Variants in DNM3 observed in about 807,000 individuals in gnomAD.
The protein encoded by DNM3 is dynamin-3.
Under a neutral mutation model 101.6 loss-of-function variants are expected in DNM3, and 47 were observed. The ratio of observed to expected loss-of-function variants is 0.46; its 90% CI spans 0.37 to 0.59. The LOEUF (loss-of-function observed/expected upper bound fraction) is 0.59, where lower values mean the gene tolerates loss of function less well. Ranked by LOEUF, DNM3 falls within the 20% of genes least tolerant of loss-of-function variation. The probability of loss-of-function intolerance (pLI) is 0.00; values close to 1 mark genes in which losing one functional copy is unlikely to be tolerated. For synonymous variants in DNM3, 385 were observed against 387.9 expected (o/e 0.99, Z 0.09); for missense variants, 849 against 1,085.7 (o/e 0.78, Z 3.06).
Position 172,033,095 on chromosome 1 carries a change from T to C in DNM3, c.689-10T>C. ...TGTCCCCAACTCCATAGATTTGTGT[T>C]TTGTTTCAGGTTACGTGGGGGTGGT... On this transcript the variant is annotated splice_polypyrimidine_tract_variant and intron_variant, in intron 5 of 20. Transcript: ENST00000627582. 6.2e-7 allele frequency: 1 copy of C among 1,610,102 alleles called. No homozygotes were observed. Among genetic ancestry groups the C allele is most frequent in the Non-Finnish European group, 8.5e-7 (1 of 1,178,112 alleles).
chr1:172,035,159 G>T (rs1468997670), intron 6 of DNM3, among the ~76,000 whole-genome samples: 8 of 152,080 alleles, frequency 5.3e-5, no homozygotes, highest in Admixed American at 2.6e-4. Context: ...AATGGGAGAG[G>T]TAGAGTCAAG....
At chr1:171,853,436 G>A (rs1259768139) in intron 1 of DNM3, among the ~76,000 whole-genome samples, 1 of 152,112 alleles carries the variant, frequency 6.6e-6, no homozygotes, top group African/African-American at 2.4e-5. Context: ...CAAAGTGGTG[G>A]CATTACAGGC....
intron 15 of DNM3, among the ~76,000 whole-genome samples, chr1:172,277,383 G>GA (rs1374170049): frequency 6.6e-6 from 1 of 152,046 alleles, no homozygotes; most frequent in Non-Finnish European, 1.5e-5. Flanking sequence ...CAGACTAATT[G>GA]AAATGTGGAA....
intron 17 of DNM3, among the ~76,000 whole-genome samples, chr1:172,344,068 A>G (rs2066817983): frequency 6.6e-6 from 1 of 152,216 alleles, no homozygotes; most frequent in Non-Finnish European, 1.5e-5. Context: ...TCACGTCTAC[A>G]GCCAAATTGA....
chr1:172,272,140 C>G (rs577227168), intron 15 of DNM3, among the ~76,000 whole-genome samples: 6 of 152,068 alleles, frequency 3.9e-5, no homozygotes, highest in Non-Finnish European at 7.4e-5. Flanking sequence ...GCATCTGCTT[C>G]ACCTTACAAC....
chr1:172,245,405 G>A (rs189246212), intron 14 of DNM3, among the ~76,000 whole-genome samples: 27 of 152,256 alleles, frequency 1.8e-4, no homozygotes, highest in Admixed American at 1.8e-3. Context: ...CAGGGTATCC[G>A]ACCAGGGTGC....
At chr1:171,900,836 G>T (rs948078758) in intron 1 of DNM3, among the ~76,000 whole-genome samples, 13 of 152,086 alleles carry the variant, frequency 8.5e-5, no homozygotes, top group African/African-American at 2.4e-4. Context: ...GAGGCCGGGC[G>T]CGGTGGCTCC....
intron 15 of DNM3, among the ~76,000 whole-genome samples, chr1:172,258,206 C>G (rs529299809): frequency 1.8e-4 from 27 of 152,158 alleles, no homozygotes; most frequent in Admixed American, 3.9e-4. Flanking sequence ...TAGGTTGATT[C>G]CATATCTTTG....
chr1:172,194,209 C>A (rs1476561249), intron 14 of DNM3, among the ~76,000 whole-genome samples: 1 of 152,160 alleles, frequency 6.6e-6, no homozygotes, highest in Non-Finnish European at 1.5e-5. Context: ...AGTTTGACTG[C>A]ACTGTGGTCT....
intron 1 of DNM3, among the ~76,000 whole-genome samples, chr1:171,906,640 C>A (rs2038861321): frequency 1.3e-5 from 2 of 151,972 alleles, no homozygotes; most frequent in Non-Finnish European, 2.9e-5. Context: ...TTAAGATACC[C>A]AATTTATTTT....
intron 4 of DNM3, among the ~76,000 whole-genome samples, chr1:171,997,415 C>A (rs2046073149): frequency 6.6e-6 from 1 of 152,070 alleles, no homozygotes; most frequent in Non-Finnish European, 1.5e-5. Context: ...CTGAGCTTGG[C>A]TTGATTTGCT....
intron 9 of DNM3, 93 bp downstream of exon 9, chr1:172,044,545 G>T: frequency 1.0e-6 from 1 of 1,001,620 alleles, no homozygotes; most frequent in South Asian, 1.6e-5. Flanking sequence ...TTTCATCATT[G>T]AATAGGGTAG....
chr1:172,171,930 A>C (rs2058975432), intron 14 of DNM3, among the ~76,000 whole-genome samples: 1 of 151,730 alleles, frequency 6.6e-6, no homozygotes, highest in African/African-American at 2.4e-5. Context: ...TATTCCAGAC[A>C]CAAGAAATCT....
chr1:171,861,069 A>G (rs1263338247), intron 1 of DNM3, among the ~76,000 whole-genome samples: 1 of 152,142 alleles, frequency 6.6e-6, no homozygotes, highest in African/African-American at 2.4e-5. Flanking sequence ...CACACCAAAA[A>G]CTATACAACA....
At chr1:172,412,853 T>C (rs1194433996), downstream of DNM3, 5 of 697,092 alleles carry the variant, frequency 7.2e-6, no homozygotes, top group Non-Finnish European at 8.8e-6. Flanking sequence ...GCATTTTCCA[T>C]TTCTGTCATT....
intron 1 of DNM3, among the ~76,000 whole-genome samples, chr1:171,906,266 C>A (rs1571539332): frequency 6.6e-6 from 1 of 151,652 alleles, no homozygotes; most frequent in East Asian, 1.9e-4. Context: ...TAGTTGGGAC[C>A]AAAGGCACGT....
intron 14 of DNM3, among the ~76,000 whole-genome samples, chr1:172,191,927 G>C (rs919855823): frequency 6.6e-6 from 1 of 152,030 alleles, no homozygotes; most frequent in Non-Finnish European, 1.5e-5. Flanking sequence ...CTGAGATGAC[G>C]GGTTTTTCTA....
At chr1:172,380,703 T>C (rs949934585) in intron 18 of DNM3, 2 of 152,012 alleles carry the variant, frequency 1.3e-5, no homozygotes, top group Non-Finnish European at 2.9e-5. Context: ...TAGAAAAATA[T>C]AAAGTACTAA....
chr1:172,292,344 T>G (rs2063955375), intron 15 of DNM3, among the ~76,000 whole-genome samples: 1 of 152,250 alleles, frequency 6.6e-6, no homozygotes, highest in South Asian at 2.1e-4. Context: ...GTTCATGGTC[T>G]TTAATATATC....
Sources: allele counts gnomAD v4.1 joint callset (sites outside exome capture counted in the v4.1 genomes callset), GRCh38; gene constraint gnomAD v4.1.1; transcripts MANE v1.5; gene names NCBI Gene and HGNC (gene_info 2026-07-23, HGNC 2026-07-21).